DLG3: variants seen among roughly 807,000 people sequenced by gnomAD.
DLG3 encodes discs large MAGUK scaffold protein 3.
Under a neutral mutation model 64.1 loss-of-function variants are expected in DLG3, and 1 was observed. That is an observed-to-expected ratio of 0.02 (90% CI 0.01 to 0.07). The LOEUF (loss-of-function observed/expected upper bound fraction) is 0.07, where lower values mean the gene tolerates loss of function less well. Ranked by LOEUF, DLG3 falls within the 10% of genes least tolerant of loss-of-function variation. The pLI is 1.00. For synonymous variants in DLG3, 245 were observed against 259.8 expected, an observed-to-expected ratio of 0.94 and a Z score of 0.55; for missense variants, 429 against 669.5, an observed-to-expected ratio of 0.64 and a Z score of 3.96.
In DLG3 at chrX:70,460,273, ACT is replaced by A. The variant is rs56155324; in HGVS notation, c.1405+5960_1405+5961del. Among the ~76,000 whole-genome samples the A allele has an allele frequency of 7.0e-3, 647 of 93,078 alleles. 8 individuals carry two copies. Among genetic ancestry groups the A allele is most frequent in the Admixed American group, 0.029 (230 of 7,857 alleles). The allele number at this position is 93,078 out of a possible 115,157, so 80.8% of individuals were successfully genotyped here. On this transcript the variant is annotated intron_variant, in intron 9 of 18. Coordinates refer to ENST00000374360, the MANE Select transcript of DLG3 (RefSeq NM_021120.4). ...ACTCCAGCCTGGTGTCAGAGCTGAGACTCTGTCTCAAAAAAAAAAAAAAAAAA... is the reference window on the plus strand; with the variant it reads ...ACTCCAGCCTGGTGTCAGAGCTGAGACTGTCTCAAAAAAAAAAAAAAAAAA...
At chrX:70,482,791 C>T (rs764400307) in intron 10 of DLG3, among the ~76,000 whole-genome samples, 1 of 105,705 alleles carries the variant, frequency 9.5e-6, no homozygotes, top group South Asian at 4.4e-4. Context: ...CCTCAGCCTC[C>T]CGAGTAGCTG....
At chrX:70,497,301 C>A (rs1189171982) in intron 13 of DLG3, 3 of 979,756 alleles carry the variant, frequency 3.1e-6, no homozygotes, top group African/African-American at 3.8e-5. Flanking sequence ...TGCACAGCTG[C>A]CATTGCTGCT....
At chrX:70,484,899 G>T (rs1471495927) in intron 10 of DLG3, among the ~76,000 whole-genome samples, 1 of 112,046 alleles carries the variant, frequency 8.9e-6, no homozygotes, top group African/African-American at 3.2e-5. Context: ...GACCCACACT[G>T]TGCCTGTCTG....
chrX:70,502,896 A>G lies in DLG3; in HGVS notation c.*627A>G, dbSNP rs903669025. The G allele has an allele frequency of 1.8e-5, 2 of 110,123 alleles. No individual in the cohort carries two copies. Among genetic ancestry groups the G allele is most frequent in the African/African-American group, 6.6e-5 (2 of 30,178 alleles). The allele number at this position is 110,123 out of a possible 1,213,427, so 9.1% of individuals were successfully genotyped here. On this transcript the variant is annotated 3_prime_UTR_variant, in exon 19 of 19. Transcript: ENST00000374360. The stretch of plus-strand genomic sequence containing the variant: ...CTATGGAGACTTCATCAATGGTACT[A>G]TGTTATTAGAGAAATGCTTTAATTT...
At chrX:70,468,214 T>C (rs1201836332) in intron 9 of DLG3, among the ~76,000 whole-genome samples, 2 of 111,182 alleles carry the variant, frequency 1.8e-5, no homozygotes, top group Non-Finnish European at 3.8e-5. Flanking sequence ...GGATTACAGG[T>C]GCCCGCCACC....
intron 9 of DLG3, among the ~76,000 whole-genome samples, chrX:70,462,716 A>T (rs989417520): frequency 9.0e-6 from 1 of 111,715 alleles, no homozygotes; most frequent in African/African-American, 3.3e-5. Context: ...TTGTATGAAC[A>T]TGTTTTCAGT....
intron 6 of DLG3, chrX:70,451,091 TTCTG>T (rs1451905334): frequency 3.0e-6 from 1 of 327,930 alleles, no homozygotes; most frequent in Non-Finnish European, 5.3e-6. Flanking sequence ...CAGATCCCAG[TTCTG>T]TCTTTGTTTT....
At chrX:70,452,719 G>A in intron 7 of DLG3, 3 of 1,199,695 alleles carry the variant, frequency 2.5e-6, no homozygotes, top group Non-Finnish European at 3.4e-6. Context: ...AGGTGGGCCT[G>A]GCCGCTCCGC....
chrX:70,462,573 A>C (rs1357790329), intron 9 of DLG3, among the ~76,000 whole-genome samples: 1 of 111,670 alleles, frequency 9.0e-6, no homozygotes, highest in Non-Finnish European at 1.9e-5. Flanking sequence ...ATTACTTTTT[A>C]TGGCTGAACA....
intron 9 of DLG3, among the ~76,000 whole-genome samples, chrX:70,474,929 G>A (rs2087028354): frequency 8.9e-6 from 1 of 112,113 alleles, no homozygotes; most frequent in African/African-American, 3.2e-5. Context: ...AAAGGTTTCA[G>A]GATGTTGGGG....
intron 18 of DLG3, among the ~76,000 whole-genome samples, chrX:70,501,413 C>CTG (rs58272461): frequency 0.04 from 3,718 of 93,807 alleles, 67 homozygotes; most frequent in Middle Eastern, 0.12. Context: ...GTCTGTCTGT[C>CTG]TGTGTGTGTG....
rs751153637 is a variant in DLG3 at position 70,500,866 on chromosome X, G to T, written c.2256-32G>T. ...ATGGTTAATCAGAACATAAGATCTG[G>T]TTCAGAACTATTTTTCTTCTGTCTT... On this transcript the variant is annotated intron_variant, in intron 17 of 18. Coordinates refer to ENST00000374360, the MANE Select transcript of DLG3 (RefSeq NM_021120.4). 1.2e-5 allele frequency: 13 copies of T among 1,120,672 alleles called. No homozygotes were observed. The South Asian group carries it at 2.5e-4, about 22-fold the overall frequency. 92.4% of individuals were successfully genotyped at this position (1,120,672 alleles called of 1,213,427 possible).
intron 7 of DLG3, chrX:70,452,549 G>A (rs1330009874): frequency 8.6e-7 from 1 of 1,162,852 alleles, no homozygotes; most frequent in African/African-American, 1.8e-5. Context: ...TTGCAGGGTG[G>A]GGCCCGAGAG....
chrX:70,497,482 A>G (rs1251129075), intron 13 of DLG3, among the ~76,000 whole-genome samples: 2 of 112,589 alleles, frequency 1.8e-5, no homozygotes, highest in African/African-American at 6.4e-5. Flanking sequence ...GGAAGGGTAA[A>G]CTGCCAAAGA....
chrX:70,464,326 G>A (rs2086853681), intron 9 of DLG3, among the ~76,000 whole-genome samples: 1 of 107,709 alleles, frequency 9.3e-6, no homozygotes, highest in Non-Finnish European at 1.9e-5. Flanking sequence ...GCAATGGTGT[G>A]ATCATGGCTC....
At chrX:70,479,670 C>T (rs1032317076) in intron 10 of DLG3, among the ~76,000 whole-genome samples, 14 of 111,324 alleles carry the variant, frequency 1.3e-4, no homozygotes, top group African/African-American at 4.6e-4. Context: ...TAGCAACTAT[C>T]GCAGTGTTCT....
chrX:70,462,019 C>A lies in DLG3; in HGVS notation c.1405+7703C>A, dbSNP rs1029616585. 6.5e-5 allele frequency among the ~76,000 whole-genome samples: 7 copies of A among 106,959 alleles called. No individual in the cohort carries two copies. In the East Asian group the frequency reaches 1.8e-3, roughly 28 times the overall value. The allele number at this position is 106,959 out of a possible 115,157, so 92.9% of individuals were successfully genotyped here. ...TATCACCCCAAAAAGAAGCCCTGAC[C>A]CCATTAGCAATCACTCCTCATCCCC... On this transcript the variant is annotated intron_variant, in intron 9 of 18. Coordinates refer to ENST00000374360, the MANE Select transcript of DLG3 (RefSeq NM_021120.4).
intron 15 of DLG3, 48 bp from the exon 16 acceptor site, chrX:70,499,829 G>T: frequency 8.5e-7 from 1 of 1,172,135 alleles, no homozygotes; most frequent in South Asian, 1.9e-5. Flanking sequence ...TTTGGTTTGG[G>T]GCGGATCACT....
At position 70,454,439 on chromosome X, in the gene DLG3, C is replaced by G. The variant is rs1029728229; in HGVS notation, c.1405+123C>G. On this transcript the variant is annotated intron_variant, in intron 9 of 18. Coordinates refer to ENST00000374360, the MANE Select transcript of DLG3 (RefSeq NM_021120.4). The stretch of plus-strand genomic sequence containing the variant: ...GGTCCCTTCTACCTAGAGCAGTAAC[C>G]TCTTCCTCTCTCCTTTTCCTGCTGG... 7.0e-6 allele frequency: 4 copies of G among 573,801 alleles called. No homozygotes were observed. In the African/African-American group the frequency reaches 9.0e-5, roughly 13 times the overall value. 47.3% of individuals were successfully genotyped at this position (573,801 alleles called of 1,213,427 possible).
Sources: allele counts gnomAD v4.1 joint callset (sites outside exome capture counted in the v4.1 genomes callset), GRCh38; gene constraint gnomAD v4.1.1; transcripts MANE v1.5; gene names NCBI Gene and HGNC (gene_info 2026-07-23, HGNC 2026-07-21).